Variants in GIPC2 observed in about 807,000 individuals in gnomAD.
GIPC2 encodes the protein GIPC PDZ domain containing family member 2.
A neutral mutation model predicts 30.6 loss-of-function variants in GIPC2; 30 were observed. The observed-to-expected ratio is 0.98, with a 90% CI of 0.73 to 1.33. The LOEUF is 1.33. Ranked by LOEUF, GIPC2 falls within the 40% of genes most tolerant of loss-of-function variation. GIPC2 has a pLI of 0.00. For missense variants in GIPC2, 414 were observed against 390.3 expected (o/e 1.06, Z -0.51); for synonymous variants, 167 against 150.0 (o/e 1.11, Z -0.83).
At chr1:78,088,086 T>C (rs201395461) in intron 2 of GIPC2, among the ~76,000 whole-genome samples, 1 of 109,218 alleles carries the variant, frequency 9.2e-6, no homozygotes, top group African/African-American at 3.4e-5. Context: ...GCTATTATTA[T>C]TAAAAAATAA....
At chr1:78,089,857 T>C (rs1311759766) in intron 2 of GIPC2, among the ~76,000 whole-genome samples, 2 of 152,214 alleles carry the variant, frequency 1.3e-5, no homozygotes, top group East Asian at 3.8e-4. Context: ...CTTTGTGGGT[T>C]ATATGGTCTT....
intron 3 of GIPC2, among the ~76,000 whole-genome samples, chr1:78,097,176 A>G (rs1022340715): frequency 3.9e-5 from 6 of 151,954 alleles, no homozygotes; most frequent in Non-Finnish European, 5.9e-5. Flanking sequence ...CTTGGTTCTA[A>G]TCTTATCTTT....
At chr1:78,077,927 G>A (rs1661745485) in intron 1 of GIPC2, among the ~76,000 whole-genome samples, 1 of 152,090 alleles carries the variant, frequency 6.6e-6, no homozygotes, top group East Asian at 1.9e-4. Context: ...GGTGGCTCAC[G>A]CCTGTAATCC....
intron 1 of GIPC2, among the ~76,000 whole-genome samples, chr1:78,079,733 A>G (rs924212840): frequency 3.9e-5 from 6 of 152,080 alleles, no homozygotes; most frequent in African/African-American, 1.4e-4. Flanking sequence ...TACCTTTTCA[A>G]CCCTGCTTCT....
intron 3 of GIPC2, among the ~76,000 whole-genome samples, chr1:78,098,428 A>T (rs1297331806): frequency 6.6e-6 from 1 of 152,218 alleles, no homozygotes; most frequent in Admixed American, 6.5e-5. Flanking sequence ...CTATACTTCT[A>T]GGAAGATTTT....
chr1:78,135,751 A>G lies in GIPC2; in HGVS notation c.*8A>G, dbSNP rs1241315151. Reference sequence around the variant, plus strand: ...AAACGAAGAGGATTATGATGTGTACACTCCATCTCTGAAGAAACAACCCAT... The same window carrying G: ...AAACGAAGAGGATTATGATGTGTACGCTCCATCTCTGAAGAAACAACCCAT... On this transcript the variant is annotated 3_prime_UTR_variant, in exon 6 of 6. Coordinates refer to ENST00000370759, the MANE Select transcript of GIPC2 (RefSeq NM_017655.6). The G allele has an allele frequency of 2.5e-6, 4 of 1,598,548 alleles. No individual in the cohort carries two copies. The highest frequency in any genetic ancestry group is 2.2e-5 in the East Asian group (1 of 44,462).
intron 3 of GIPC2, among the ~76,000 whole-genome samples, chr1:78,106,071 TA>T (rs1662346837): frequency 6.6e-6 from 1 of 150,838 alleles, no homozygotes. Flanking sequence ...CCCTCTCTAC[TA>T]AAAATGCAAA....
At chr1:78,110,555 G>A (rs1224485455) in intron 3 of GIPC2, among the ~76,000 whole-genome samples, 1 of 152,182 alleles carries the variant, frequency 6.6e-6, no homozygotes, top group Non-Finnish European at 1.5e-5. Context: ...AACCTCTCAG[G>A]TAACCCTGTG....
At chr1:78,114,541 C>T (rs571703185) in intron 3 of GIPC2, among the ~76,000 whole-genome samples, 3 of 152,144 alleles carry the variant, frequency 2.0e-5, no homozygotes, top group East Asian at 3.9e-4. Context: ...GAAAACTGCC[C>T]TCTGGAGGCT....
intron 3 of GIPC2, among the ~76,000 whole-genome samples, chr1:78,104,738 C>A (rs938025934): frequency 6.6e-6 from 1 of 152,112 alleles, no homozygotes; most frequent in Non-Finnish European, 1.5e-5. Context: ...AACAATGATG[C>A]TATAATTGGA....
At chr1:78,084,114 A>C (rs530258762) in intron 2 of GIPC2, among the ~76,000 whole-genome samples, 1 of 152,270 alleles carries the variant, frequency 6.6e-6, no homozygotes, top group East Asian at 1.9e-4. Context: ...AGCTGTGCTC[A>C]TACATTGAAG....
chr1:78,045,828 G>C (rs1661055886), upstream of GIPC2: 4 of 1,232,276 alleles, frequency 3.2e-6, no homozygotes, highest in South Asian at 1.3e-4. Flanking sequence ...TTTTTTACAA[G>C]GAGTAGGGAT....
intron 1 of GIPC2, among the ~76,000 whole-genome samples, chr1:78,064,738 C>T (rs1172458223): frequency 7.7e-6 from 1 of 129,550 alleles, no homozygotes; most frequent in African/African-American, 2.8e-5. Context: ...ATAACTCATG[C>T]AACCTTTTTT....
chr1:78,107,823 TCAAAAAAAAA>T (rs1177767577), intron 3 of GIPC2, among the ~76,000 whole-genome samples: 2 of 27,384 alleles, frequency 7.3e-5, no homozygotes. Context: ...AAACTCTGTC[TCAAAAAAAAA>T]AAAAAAAAAA....
At chr1:78,066,162 A>G (rs1661507662) in intron 1 of GIPC2, among the ~76,000 whole-genome samples, 1 of 152,218 alleles carries the variant, frequency 6.6e-6, no homozygotes, top group South Asian at 2.1e-4. Flanking sequence ...AAGGTCTAAT[A>G]TACAGCATCT....
intron 1 of GIPC2, among the ~76,000 whole-genome samples, chr1:78,075,144 ATAACT>A (rs1381120544): frequency 2.6e-5 from 4 of 152,298 alleles, no homozygotes; most frequent in South Asian, 2.1e-4. Flanking sequence ...CTAAACCAAG[ATAACT>A]TAACTTATTA....
chr1:78,086,660 C>T (rs150561603), intron 2 of GIPC2, among the ~76,000 whole-genome samples: 68 of 152,254 alleles, frequency 4.5e-4, no homozygotes, highest in African/African-American at 1.6e-3. Flanking sequence ...TCAGATTGAA[C>T]CCTTTTACCA....
chr1:78,104,951 G>T (rs913015754), intron 3 of GIPC2, among the ~76,000 whole-genome samples: 1 of 152,096 alleles, frequency 6.6e-6, no homozygotes, highest in Non-Finnish European at 1.5e-5. Flanking sequence ...TGGCCTCTTC[G>T]TATCTAGCTA....
chr1:78,067,613 C>T (rs1309187573), intron 1 of GIPC2, among the ~76,000 whole-genome samples: 2 of 151,990 alleles, frequency 1.3e-5, no homozygotes, highest in African/African-American at 2.4e-5. Context: ...CGACCATGCC[C>T]GGCTAATTTT....
Sources: gnomAD v4.1 joint callset for allele counts (sites outside exome capture counted in the v4.1 genomes callset) on GRCh38, gnomAD v4.1.1 for gene constraint, MANE v1.5 for transcripts, NCBI Gene and HGNC (gene_info 2026-07-23, HGNC 2026-07-21) for gene names.